ACTR3C: variants seen among roughly 807,000 people sequenced by gnomAD.
ACTR3C encodes actin-related protein 3C.
In ACTR3C, 18 loss-of-function variants were observed where a neutral mutation model predicts 26.3. That is an observed-to-expected ratio of 0.68 (90% confidence interval 0.47 to 1.01). The LOEUF (loss-of-function observed/expected upper bound fraction) is 1.01. ACTR3C is among the 50% of genes least tolerant of loss of function. The pLI is 0.00. For missense variants in ACTR3C, 184 were observed against 250.7 expected (o/e 0.73, Z 1.80); for synonymous variants, 55 against 94.5 (o/e 0.58, Z 2.42).
chr7:150,102,354 C>T, the ACTR3C span, among the ~76,000 whole-genome samples: 1 of 151,850 alleles, frequency 6.6e-6, no homozygotes, highest in East Asian at 1.9e-4. Context: ...CATTCTTATA[C>T]CATGAAATTA....
At chr7:150,223,216 A>G in the ACTR3C span, among the ~76,000 whole-genome samples, 1 of 152,206 alleles carries the variant, frequency 6.6e-6, no homozygotes, top group South Asian at 2.1e-4. Flanking sequence ...TGCAATGTTT[A>G]TGAGGTCCAT....
chr7:150,180,625 G>A, the ACTR3C span, among the ~76,000 whole-genome samples: 3 of 146,784 alleles, frequency 2.0e-5, no homozygotes, highest in Non-Finnish European at 3.0e-5. Flanking sequence ...CCATTCTCCC[G>A]CCTCAGCCTC....
At chr7:149,915,441 C>T in the ACTR3C span, among the ~76,000 whole-genome samples, 3 of 152,012 alleles carry the variant, frequency 2.0e-5, no homozygotes, top group Non-Finnish European at 4.4e-5. Flanking sequence ...AATAATATTG[C>T]TCTTTAAATA....
the ACTR3C span, among the ~76,000 whole-genome samples, chr7:150,147,002 G>T: frequency 6.6e-6 from 1 of 152,138 alleles, no homozygotes; most frequent in Non-Finnish European, 1.5e-5. Flanking sequence ...GAAAAATGCG[G>T]TGTATCCTGC....
chr7:150,262,671 T>C (rs1277895368), intron 6 of ACTR3C, among the ~76,000 whole-genome samples: 4 of 152,238 alleles, frequency 2.6e-5, no homozygotes, highest in Non-Finnish European at 5.9e-5. Context: ...AGCAATTTTA[T>C]ATCATGTAAA....
chr7:149,962,098 A>G, the ACTR3C span, among the ~76,000 whole-genome samples: 2 of 152,108 alleles, frequency 1.3e-5, no homozygotes, highest in Non-Finnish European at 2.9e-5. Context: ...CTCACAGGAC[A>G]TGTAAGCTCA....
At chr7:149,948,478 C>T in the ACTR3C span, among the ~76,000 whole-genome samples, 5 of 150,672 alleles carry the variant, frequency 3.3e-5, no homozygotes, top group South Asian at 4.2e-4. Context: ...GCAGAGCCTG[C>T]GCGGAACACC....
intron 5 of ACTR3C, among the ~76,000 whole-genome samples, chr7:150,285,595 T>C (rs1835714762): frequency 6.6e-6 from 1 of 152,230 alleles, no homozygotes; most frequent in South Asian, 2.1e-4. Context: ...AGATTATCAT[T>C]GTTATTATTT....
the ACTR3C span, among the ~76,000 whole-genome samples, chr7:150,043,814 A>T: frequency 6.6e-6 from 1 of 152,380 alleles, no homozygotes; most frequent in East Asian, 1.9e-4. Context: ...GTAATAGAGT[A>T]GAGTATATAA....
chr7:150,200,499 A>G, the ACTR3C span, among the ~76,000 whole-genome samples: 1 of 152,224 alleles, frequency 6.6e-6, no homozygotes. Flanking sequence ...GACAATATAC[A>G]CGGCCAATAA....
intron 6 of ACTR3C, among the ~76,000 whole-genome samples, chr7:150,265,570 T>C (rs1349670801): frequency 6.6e-6 from 1 of 152,108 alleles, no homozygotes; most frequent in African/African-American, 2.4e-5. Flanking sequence ...GGCACACACC[T>C]GTAATCCCAG....
At chr7:150,037,388 T>TC in the ACTR3C span, among the ~76,000 whole-genome samples, 2 of 35,516 alleles carry the variant, frequency 5.6e-5, 1 homozygote, top group African/African-American at 1.7e-4. Context: ...GCCTCCCCCC[T>TC]CTGCGATGGG....
chr7:150,124,217 A>G, the ACTR3C span, among the ~76,000 whole-genome samples: 1 of 152,196 alleles, frequency 6.6e-6, no homozygotes, highest in Non-Finnish European at 1.5e-5. Flanking sequence ...TACTTTCACT[A>G]TAACACTATT....
the ACTR3C span, among the ~76,000 whole-genome samples, chr7:150,045,405 T>C: frequency 1.3e-5 from 2 of 152,262 alleles, no homozygotes; most frequent in African/African-American, 4.8e-5. Flanking sequence ...TGAGTTTAAT[T>C]ATACAATTTA....
chr7:150,037,333 G>C, the ACTR3C span, among the ~76,000 whole-genome samples: 2 of 59,524 alleles, frequency 3.4e-5, 1 homozygote, highest in African/African-American at 9.4e-5. Context: ...TCCTAAGCCG[G>C]GGGGGGAAGA....
chr7:150,229,489 C>A, the ACTR3C span, among the ~76,000 whole-genome samples: 1 of 151,002 alleles, frequency 6.6e-6, no homozygotes, highest in East Asian at 1.9e-4. Flanking sequence ...TAGAGTGAAT[C>A]TTTTTTTATT....
At chr7:150,152,630 G>C in the ACTR3C span, among the ~76,000 whole-genome samples, 1 of 152,178 alleles carries the variant, frequency 6.6e-6, no homozygotes. Context: ...CCCGGCTTTG[G>C]TATCAGGATG....
chr7:150,299,173 G>A (rs573499539), intron 1 of ACTR3C, among the ~76,000 whole-genome samples: 2 of 151,644 alleles, frequency 1.3e-5, no homozygotes, highest in East Asian at 3.9e-4. Flanking sequence ...AGTAGAGACA[G>A]GGTTTCACGA....
At chr7:149,890,763 T>C in the ACTR3C span, 1 of 171,764 alleles carries the variant, frequency 5.8e-6, no homozygotes, top group African/African-American at 2.4e-5. Flanking sequence ...CATAGGCAGA[T>C]GGGGCAAATG....
Sources: gnomAD v4.1 joint callset for allele counts (sites outside exome capture counted in the v4.1 genomes callset) on GRCh38, gnomAD v4.1.1 for gene constraint, MANE v1.5 for transcripts, NCBI Gene and HGNC (gene_info 2026-07-23, HGNC 2026-07-21) for gene names.